TAFA2: variants seen among roughly 807,000 people sequenced by gnomAD.
TAFA2 encodes the protein TAFA chemokine like family member 2, also known as chemokine-like protein TAFA-2.
A neutral mutation model predicts 18.8 loss-of-function variants in TAFA2; 7 were observed. That is an observed-to-expected ratio of 0.37 (90% confidence interval 0.21 to 0.70). TAFA2 has a LOEUF of 0.70. Ranked by LOEUF, TAFA2 falls within the 30% of genes least tolerant of loss-of-function variation. The pLI is 0.53. For missense variants in TAFA2, 122 were observed against 158.1 expected (o/e 0.77, Z 1.23); for synonymous variants, 60 against 54.2 (o/e 1.11, Z -0.47).
chr12:62,035,567 C>A (rs552906909), intron 1 of TAFA2, among the ~76,000 whole-genome samples: 12 of 148,950 alleles, frequency 8.1e-5, no homozygotes, highest in African/African-American at 2.3e-4. Context: ...AAAAAAAAAA[C>A]CACACAGGCT....
chr12:62,137,724 C>G (rs775048248), intron 1 of TAFA2, among the ~76,000 whole-genome samples: 17 of 152,120 alleles, frequency 1.1e-4, no homozygotes, highest in Admixed American at 2.6e-4. Flanking sequence ...GGCCTCCTCA[C>G]TAGTCCTGCA....
chr12:61,997,494 C>A (rs1393725469), intron 1 of TAFA2, among the ~76,000 whole-genome samples: 1 of 152,088 alleles, frequency 6.6e-6, no homozygotes, highest in Non-Finnish European at 1.5e-5. Flanking sequence ...GTGGCTCTTA[C>A]AGCCCAAGGT....
chr12:62,147,703 C>T (rs1257507484), intron 1 of TAFA2, among the ~76,000 whole-genome samples: 1 of 135,856 alleles, frequency 7.4e-6, no homozygotes, highest in Non-Finnish European at 1.5e-5. Flanking sequence ...GCACTCCAGC[C>T]TGGGCAACAG....
intron 1 of TAFA2, among the ~76,000 whole-genome samples, chr12:62,238,577 G>A (rs1179737306): frequency 1.3e-5 from 2 of 152,138 alleles, no homozygotes; most frequent in African/African-American, 4.8e-5. Flanking sequence ...CTTGCCCAGA[G>A]TTAGACATTT....
chr12:61,731,153 A>C (rs764350776), intron 4 of TAFA2, among the ~76,000 whole-genome samples: 2 of 151,860 alleles, frequency 1.3e-5, no homozygotes, highest in Non-Finnish European at 2.9e-5. Flanking sequence ...CTGTTCTCTA[A>C]ATTTGTTTCA....
chr12:61,892,463 G>A (rs957220212), intron 1 of TAFA2, among the ~76,000 whole-genome samples: 3 of 152,194 alleles, frequency 2.0e-5, no homozygotes, highest in Admixed American at 2.0e-4. Context: ...AAGACATCCA[G>A]TCAAGTTTGA....
intron 1 of TAFA2, among the ~76,000 whole-genome samples, chr12:61,905,605 A>T (rs775831201): frequency 4.6e-5 from 7 of 152,186 alleles, no homozygotes; most frequent in Non-Finnish European, 8.8e-5. Context: ...TAATCTCAAT[A>T]TCACCAGATA....
chr12:62,009,229 T>C (rs532418072), intron 1 of TAFA2, among the ~76,000 whole-genome samples: 3 of 152,310 alleles, frequency 2.0e-5, no homozygotes, highest in Admixed American at 2.0e-4. Flanking sequence ...TTGGGGGGCA[T>C]CATAAGGCCA....
At chr12:62,123,813 C>CACACACACACACA (rs1555192145) in intron 1 of TAFA2, among the ~76,000 whole-genome samples, 41 of 147,936 alleles carry the variant, frequency 2.8e-4, no homozygotes, top group African/African-American at 8.5e-4. Context: ...CACACACACA[C>CACACACACACACA]CACCTTTTGA....
chr12:61,902,425 C>T (rs71465115), intron 1 of TAFA2, among the ~76,000 whole-genome samples: 2 of 152,134 alleles, frequency 1.3e-5, no homozygotes, highest in Non-Finnish European at 2.9e-5. Context: ...TGCTGTCTGC[C>T]TCTTCCTGGC....
intron 1 of TAFA2, among the ~76,000 whole-genome samples, chr12:62,239,951 T>C (rs1478136759): frequency 6.6e-6 from 1 of 152,078 alleles, no homozygotes; most frequent in Non-Finnish European, 1.5e-5. Context: ...ACTAGAATAG[T>C]CAGCCAATGC....
chr12:61,907,386 C>T (rs1876404243), intron 1 of TAFA2, among the ~76,000 whole-genome samples: 1 of 152,208 alleles, frequency 6.6e-6, no homozygotes, highest in Non-Finnish European at 1.5e-5. Context: ...CAGGCCATTG[C>T]TTCAGAGGGT....
chr12:62,143,762 G>T (rs2062257073), intron 1 of TAFA2, among the ~76,000 whole-genome samples: 1 of 151,986 alleles, frequency 6.6e-6, no homozygotes, highest in Non-Finnish European at 1.5e-5. Flanking sequence ...TTAAAATTCG[G>T]CAGGGTGTGG....
rs757873658 is a variant in TAFA2 at position 61,735,679 on chromosome 12, AT to A, written c.384+17942del. Among the ~76,000 whole-genome samples, 167 of 151,174 alleles carry A rather than the reference AT, an allele frequency of 1.1e-3. 2 individuals carry two copies. The highest frequency in any genetic ancestry group is 8.2e-3 in the East Asian group (42 of 5,120). On this transcript the variant is annotated intron_variant, in intron 4 of 4. Transcript: ENST00000416284. ...TCTTTTGTATAGTTTTTATTAGTCC[AT>A]TTTTTTTAGTTGACTTGGAAATTAC... is the stretch of plus-strand genomic sequence containing the variant.
At chr12:62,001,735 G>A (rs1368962510) in intron 1 of TAFA2, among the ~76,000 whole-genome samples, 1 of 152,124 alleles carries the variant, frequency 6.6e-6, no homozygotes, top group Non-Finnish European at 1.5e-5. Flanking sequence ...ACAGACAGAT[G>A]CCCATCTGTG....
chr12:62,053,739 A>C (rs1055515313), intron 1 of TAFA2, among the ~76,000 whole-genome samples: 1 of 152,196 alleles, frequency 6.6e-6, no homozygotes, highest in African/African-American at 2.4e-5. Context: ...CCTAATTTGA[A>C]ACCTGGTTCT....
At chr12:61,852,644 A>G (rs1002568513) in intron 2 of TAFA2, among the ~76,000 whole-genome samples, 4 of 152,208 alleles carry the variant, frequency 2.6e-5, no homozygotes, top group African/African-American at 4.8e-5. Flanking sequence ...AATCAGTCAG[A>G]GTAGTAGTTC....
chr12:61,785,115 C>T (rs183140688), intron 2 of TAFA2, among the ~76,000 whole-genome samples: 2 of 151,710 alleles, frequency 1.3e-5, no homozygotes, highest in African/African-American at 2.4e-5. Context: ...CCCTCCTTCC[C>T]TCCTGCCCTT....
At chr12:62,006,390 A>G (rs1371674717) in intron 1 of TAFA2, among the ~76,000 whole-genome samples, 1 of 152,194 alleles carries the variant, frequency 6.6e-6, no homozygotes, top group Non-Finnish European at 1.5e-5. Context: ...CGTGGATAGC[A>G]GATGTATCTA....
Sources: gnomAD v4.1 joint callset for allele counts (sites outside exome capture counted in the v4.1 genomes callset) on GRCh38, gnomAD v4.1.1 for gene constraint, MANE v1.5 for transcripts, NCBI Gene and HGNC (gene_info 2026-07-23, HGNC 2026-07-21) for gene names.